The following SORCS3 variants were observed in gnomAD, a reference collection of about 807,000 sequenced individuals.
SORCS3 encodes sortilin related VPS10 domain containing receptor 3.
SORCS3 carries 57 observed loss-of-function variants against 146.3 expected under a neutral mutation model. That is an observed-to-expected ratio of 0.39 (90% CI 0.31 to 0.49). SORCS3 has a LOEUF of 0.49. Among genes scored for constraint, SORCS3 ranks in the 20% least tolerant of loss-of-function variants. SORCS3 has a pLI of 0.92. For missense variants in SORCS3, 1,341 were observed against 1,575.5 expected (o/e 0.85, Z 2.52); for synonymous variants, 653 against 618.5 (o/e 1.06, Z -0.83).
At chr10:105,084,726 GCTT>G (rs923967142) in intron 5 of SORCS3, among the ~76,000 whole-genome samples, 30 of 145,782 alleles carry the variant, frequency 2.1e-4, no homozygotes, top group East Asian at 2.0e-4. Context: ...AGGCAGTGCT[GCTT>G]CTTCTTTTTT....
chr10:105,024,178 C>T (rs1472908090), intron 4 of SORCS3, among the ~76,000 whole-genome samples: 2 of 152,182 alleles, frequency 1.3e-5, no homozygotes, highest in African/African-American at 2.4e-5. Flanking sequence ...ATGTGTTCTT[C>T]ACACTGTATT....
In SORCS3 at chr10:104,727,549, A is replaced by G. The variant is rs888115996; in HGVS notation, c.627+85595A>G. Among the ~76,000 whole-genome samples, 50 of 148,860 alleles carry G rather than the reference A, an allele frequency of 3.4e-4. 1 individual carries two copies. Among genetic ancestry groups the G allele is most frequent in the African/African-American group, 8.9e-4 (36 of 40,604 alleles). ...AGAAGGGATATATGTGTGTGTGTAT[A>G]TATATATATATATATAAGATGCATA... On this transcript the variant is annotated intron_variant, in intron 1 of 26. Coordinates refer to ENST00000369701, the MANE Select transcript of SORCS3 (RefSeq NM_014978.3).
At chr10:104,792,662 T>C (rs1490814021) in intron 1 of SORCS3, among the ~76,000 whole-genome samples, 2 of 152,230 alleles carry the variant, frequency 1.3e-5, no homozygotes, top group Non-Finnish European at 2.9e-5. Flanking sequence ...CTAAAATTCT[T>C]CTACTTTACT....
At chr10:104,936,957 C>T (rs2019266154) in intron 3 of SORCS3, among the ~76,000 whole-genome samples, 1 of 152,198 alleles carries the variant, frequency 6.6e-6, no homozygotes. Flanking sequence ...TCACATTTGA[C>T]TAGGCTTCAA....
At chr10:105,261,272 G>T (rs1336442257) in intron 25 of SORCS3, among the ~76,000 whole-genome samples, 1 of 152,222 alleles carries the variant, frequency 6.6e-6, no homozygotes, top group Admixed American at 6.5e-5. Flanking sequence ...GCCTCTCAGA[G>T]ACGACATGTA....
chr10:104,982,032 G>A (rs1322029098), intron 4 of SORCS3, among the ~76,000 whole-genome samples: 1 of 152,146 alleles, frequency 6.6e-6, no homozygotes, highest in Non-Finnish European at 1.5e-5. Context: ...ATGAAGGGTT[G>A]CTGTTATAGT....
At chr10:104,750,950 T>G (rs1235474686) in intron 1 of SORCS3, among the ~76,000 whole-genome samples, 1 of 152,180 alleles carries the variant, frequency 6.6e-6, no homozygotes, top group Non-Finnish European at 1.5e-5. Flanking sequence ...ATTTCTTAGT[T>G]CGGAATATCG....
intron 25 of SORCS3, 131 bp from the exon 26 acceptor site, chr10:105,262,200 A>G (rs2056964709): frequency 1.3e-6 from 1 of 790,782 alleles, no homozygotes; most frequent in Admixed American, 2.3e-5. Context: ...CTCTGGGGTT[A>G]CCAATATCTT....
chr10:104,883,170 C>G (rs1254605988), intron 2 of SORCS3, among the ~76,000 whole-genome samples: 2 of 152,306 alleles, frequency 1.3e-5, no homozygotes, highest in South Asian at 2.1e-4. Flanking sequence ...AGTTTCCACA[C>G]TGGGGTGAGT....
At chr10:104,887,971 G>GT (rs1554857309) in intron 2 of SORCS3, among the ~76,000 whole-genome samples, 3 of 83,028 alleles carry the variant, frequency 3.6e-5, no homozygotes, top group African/African-American at 1.7e-4. Context: ...GGGGGGCGGG[G>GT]GCGGAGCAAG....
chr10:104,663,940 A>T (rs17117517), intron 1 of SORCS3, among the ~76,000 whole-genome samples: 13,445 of 152,070 alleles, frequency 0.088, 649 homozygotes, highest in Admixed American at 0.13. Flanking sequence ...CTGCCTTAAC[A>T]CATTTCCAAA....
chr10:104,751,418 A>C (rs2133468799), intron 1 of SORCS3, among the ~76,000 whole-genome samples: 1 of 152,326 alleles, frequency 6.6e-6, no homozygotes, highest in South Asian at 2.1e-4. Flanking sequence ...GATTCTGACC[A>C]TCCTGCAAGA....
In SORCS3 at chr10:104,942,285, G is replaced by A. The variant is rs180813259; in HGVS notation, c.795+26353G>A. On this transcript the variant is annotated intron_variant, in intron 3 of 26. Coordinates refer to ENST00000369701, the MANE Select transcript of SORCS3 (RefSeq NM_014978.3). The stretch of plus-strand genomic sequence containing the variant: ...GAATATTGAAAATTTGAAGAGTTCA[G>A]TATTAATCAGATGAAAGGAATCGTA... Among the ~76,000 whole-genome samples the A allele has an allele frequency of 4.3e-4, 65 of 152,252 alleles. No individual in the cohort carries two copies. The East Asian group carries it at 0.011, about 25-fold the overall frequency.
At chr10:104,714,356 T>G (rs948225416) in intron 1 of SORCS3, among the ~76,000 whole-genome samples, 7 of 152,160 alleles carry the variant, frequency 4.6e-5, no homozygotes, top group African/African-American at 1.4e-4. Context: ...GTTCATTGAT[T>G]TTATAGCTTT....
intron 3 of SORCS3, among the ~76,000 whole-genome samples, chr10:104,954,014 G>A (rs1482166270): frequency 6.6e-6 from 1 of 152,074 alleles, no homozygotes; most frequent in Non-Finnish European, 1.5e-5. Context: ...GAAAATTGGG[G>A]GACTCTTGGT....
chr10:104,963,564 T>G (rs1045863065), intron 3 of SORCS3, among the ~76,000 whole-genome samples: 3 of 152,168 alleles, frequency 2.0e-5, no homozygotes, highest in Admixed American at 6.6e-5. Flanking sequence ...GACTCTCTTT[T>G]ATCTGTATTT....
intron 2 of SORCS3, among the ~76,000 whole-genome samples, chr10:104,867,845 A>G (rs1215531476): frequency 6.6e-6 from 1 of 152,256 alleles, no homozygotes; most frequent in African/African-American, 2.4e-5. Context: ...AATGTGGTAC[A>G]GAGATATCTG....
At chr10:104,712,984 G>C (rs1193905150) in intron 1 of SORCS3, among the ~76,000 whole-genome samples, 3 of 152,104 alleles carry the variant, frequency 2.0e-5, no homozygotes, top group Admixed American at 6.6e-5. Context: ...CTATGGGTGG[G>C]ATTTCAGATA....
chr10:104,691,423 GA>G (rs1162954358), intron 1 of SORCS3, among the ~76,000 whole-genome samples: 2 of 152,084 alleles, frequency 1.3e-5, no homozygotes, highest in Non-Finnish European at 2.9e-5. Flanking sequence ...CAACTAAAGA[GA>G]AAAAAAATCA....
Sources: allele counts gnomAD v4.1 joint callset (sites outside exome capture counted in the v4.1 genomes callset), GRCh38; gene constraint gnomAD v4.1.1; transcripts MANE v1.5; gene names NCBI Gene and HGNC (gene_info 2026-07-23, HGNC 2026-07-21).